SLC2A9: variants seen among roughly 807,000 people sequenced by gnomAD.
The protein encoded by SLC2A9 is solute carrier family 2 member 9, also known as solute carrier family 2, facilitated glucose transporter member 9.
Under a neutral mutation model 50.6 loss-of-function variants are expected in SLC2A9, and 39 were observed. The ratio of observed to expected loss-of-function variants is 0.77; its 90% CI spans 0.60 to 1.01. The LOEUF is 1.01. SLC2A9 is among the 50% of genes least tolerant of loss of function. The probability of loss-of-function intolerance (pLI) is 0.00; values close to 1 mark genes in which losing one functional copy is unlikely to be tolerated. For missense variants in SLC2A9, 686 were observed against 677.6 expected (o/e 1.01, Z -0.14); for synonymous variants, 324 against 276.9 (o/e 1.17, Z -1.69).
At position 10,026,957 on chromosome 4, in the gene SLC2A9, T is replaced by C. The variant is rs938132029; in HGVS notation, c.-40-951A>G. On this transcript the variant is annotated intron_variant, in intron 1 of 12. Transcript: ENST00000309065. ...TACTCGGGAGGCTGAGGCAGGAGAA[T>C]TGCTTGAACCCAGGAGGCAGAGGTT... is the stretch of plus-strand genomic sequence containing the variant. Among the ~76,000 whole-genome samples, 16 of 152,038 alleles carry C rather than the reference T, an allele frequency of 1.1e-4. No homozygotes were observed. The East Asian group carries it at 3.1e-3, about 29-fold the overall frequency.
At chr4:9,916,175 G>C (rs1742814672) in intron 7 of SLC2A9, among the ~76,000 whole-genome samples, 1 of 152,184 alleles carries the variant, frequency 6.6e-6, no homozygotes, top group Non-Finnish European at 1.5e-5. Flanking sequence ...GTCTACCCTA[G>C]AAGACCTCTT....
intron 10 of SLC2A9, among the ~76,000 whole-genome samples, chr4:9,840,583 T>A (rs77388911): frequency 0.23 from 34,266 of 152,116 alleles, 3,969 homozygotes; most frequent in Admixed American, 0.29. Flanking sequence ...CTAGAGATGA[T>A]CTCCATTTGT....
At chr4:9,855,459 A>G (rs1730586263) in intron 10 of SLC2A9, among the ~76,000 whole-genome samples, 1 of 152,188 alleles carries the variant, frequency 6.6e-6, no homozygotes, top group Non-Finnish European at 1.5e-5. Flanking sequence ...GCTGAAAGAA[A>G]TCAGAGATGA....
intron 1 of SLC2A9, 135 bp downstream of exon 1, chr4:10,021,145 G>A (rs1182829522): frequency 6.6e-6 from 6 of 909,590 alleles, no homozygotes; most frequent in Non-Finnish European, 1.1e-5. Flanking sequence ...CTCAAACTGA[G>A]GCCTCCCTGC....
At chr4:9,937,978 C>A (rs1747396653) in intron 6 of SLC2A9, among the ~76,000 whole-genome samples, 1 of 152,266 alleles carries the variant, frequency 6.6e-6, no homozygotes, top group African/African-American at 2.4e-5. Context: ...GATGTCCACA[C>A]TTCTGTGATC....
At chr4:9,866,805 A>C (rs1732558838) in intron 10 of SLC2A9, among the ~76,000 whole-genome samples, 1 of 152,120 alleles carries the variant, frequency 6.6e-6, no homozygotes, top group Admixed American at 6.5e-5. Flanking sequence ...CCCATTTTAC[A>C]TGTGGGTAAA....
downstream of SLC2A9, among the ~76,000 whole-genome samples, chr4:9,795,642 A>G (rs1230417091): frequency 1.3e-5 from 2 of 152,234 alleles, no homozygotes; most frequent in East Asian, 1.9e-4. Context: ...AGGGCCATTA[A>G]GAAAATAACT....
chr4:9,843,442 A>T (rs1373578262), intron 10 of SLC2A9, among the ~76,000 whole-genome samples: 1 of 151,934 alleles, frequency 6.6e-6, no homozygotes, highest in South Asian at 2.1e-4. Context: ...AGGAGCATGG[A>T]GTGGGGGTCT....
At chr4:10,014,708 G>C (rs1762319920) in intron 2 of SLC2A9, among the ~76,000 whole-genome samples, 1 of 152,144 alleles carries the variant, frequency 6.6e-6, no homozygotes, top group African/African-American at 2.4e-5. Context: ...TCTCACTGGT[G>C]ATTATTTATT....
At chr4:9,899,994 C>G (rs1739297547) in intron 8 of SLC2A9, among the ~76,000 whole-genome samples, 1 of 152,044 alleles carries the variant, frequency 6.6e-6, no homozygotes. Context: ...TCAAAAAAGG[C>G]AAAATGTGGT....
chr4:9,825,223 A>C (rs60026409), downstream of SLC2A9, among the ~76,000 whole-genome samples: 572 of 152,352 alleles, frequency 3.8e-3, 6 homozygotes, highest in African/African-American at 0.013. Flanking sequence ...ACCACAAGCC[A>C]CACATTACGA....
intron 10 of SLC2A9, among the ~76,000 whole-genome samples, chr4:9,851,201 C>A (rs1315537962): frequency 6.6e-6 from 1 of 152,226 alleles, no homozygotes; most frequent in Non-Finnish European, 1.5e-5. Context: ...GCTGGGAACA[C>A]CTCGGCCCAT....
intron 6 of SLC2A9, among the ~76,000 whole-genome samples, chr4:9,933,774 T>C (rs1406541671): frequency 6.6e-6 from 1 of 152,162 alleles, no homozygotes; most frequent in Non-Finnish European, 1.5e-5. Flanking sequence ...CTGTGTTCCT[T>C]CTGGAGGCTC....
chr4:9,967,954 T>C (rs775645546), intron 5 of SLC2A9, among the ~76,000 whole-genome samples: 1 of 152,126 alleles, frequency 6.6e-6, no homozygotes, highest in Non-Finnish European at 1.5e-5. Flanking sequence ...AAGGGAATTA[T>C]TTATAAGCCT....
intron 3 of SLC2A9, among the ~76,000 whole-genome samples, chr4:9,806,671 C>CA (rs1388820209): frequency 5.3e-5 from 8 of 152,132 alleles, no homozygotes; most frequent in South Asian, 2.1e-4. Flanking sequence ...AGGCTGTGTG[C>CA]ATGGGGGGTG....
chr4:9,845,147 G>A (rs1728747503), intron 10 of SLC2A9, among the ~76,000 whole-genome samples: 1 of 151,694 alleles, frequency 6.6e-6, no homozygotes, highest in South Asian at 2.1e-4. Flanking sequence ...CTGAGTAGCT[G>A]GGACTACAGG....
chr4:9,884,239 G>A (rs1446363335), intron 10 of SLC2A9, among the ~76,000 whole-genome samples: 1 of 152,200 alleles, frequency 6.6e-6, no homozygotes, highest in Admixed American at 6.5e-5. Flanking sequence ...AACATTCAAG[G>A]TGCCTGCTCA....
chr4:9,820,510 A>G (rs554456506), intron 3 of SLC2A9, among the ~76,000 whole-genome samples: 1 of 152,326 alleles, frequency 6.6e-6, no homozygotes, highest in South Asian at 2.1e-4. Context: ...ATTGTGGTAA[A>G]TCTATAGATA....
chr4:9,971,142 T>C (rs1211518921), intron 5 of SLC2A9, among the ~76,000 whole-genome samples: 1 of 152,194 alleles, frequency 6.6e-6, no homozygotes, highest in Non-Finnish European at 1.5e-5. Context: ...AAGCCCTTCC[T>C]TCTACAATTC....
Sources: gnomAD v4.1 joint callset for allele counts (sites outside exome capture counted in the v4.1 genomes callset) on GRCh38, gnomAD v4.1.1 for gene constraint, MANE v1.5 for transcripts, NCBI Gene and HGNC (gene_info 2026-07-23, HGNC 2026-07-21) for gene names.